The following BMPR1B variants were observed in gnomAD, a reference collection of about 807,000 sequenced individuals.
The protein encoded by BMPR1B is bone morphogenetic protein receptor type-1B.
BMPR1B carries 12 observed loss-of-function variants against 59.1 expected under a neutral mutation model. The ratio of observed to expected loss-of-function variants is 0.20; its 90% CI spans 0.13 to 0.33. The LOEUF is 0.33. Among genes scored for constraint, BMPR1B ranks in the 10% least tolerant of loss-of-function variants. BMPR1B has a pLI of 1.00. For missense variants in BMPR1B, 550 were observed against 610.9 expected, an observed-to-expected ratio of 0.90 and a Z score of 1.05; for synonymous variants, 237 against 207.3, an observed-to-expected ratio of 1.14 and a Z score of -1.23.
chr4:94,855,387 T>G (rs1015291978), intron 1 of BMPR1B, among the ~76,000 whole-genome samples: 1 of 152,218 alleles, frequency 6.6e-6, no homozygotes, highest in Admixed American at 6.5e-5. Flanking sequence ...AGCCTGGACT[T>G]AAACTCAGGT....
Position 95,134,482 on chromosome 4 carries a change from A to C in BMPR1B, c.1076+2970A>C, listed in dbSNP as rs1338667888. ...TGGTTGAACTAGTTTACAGCCCCACAAACAGTGTAAAAGTGTTCCTATTTC... is the reference window on the plus strand; with the variant it reads ...TGGTTGAACTAGTTTACAGCCCCACCAACAGTGTAAAAGTGTTCCTATTTC... On this transcript the variant is annotated intron_variant, in intron 10 of 12. Coordinates refer to ENST00000515059, the MANE Select transcript of BMPR1B (RefSeq NM_001203.3). 3.9e-5 allele frequency among the ~76,000 whole-genome samples: 6 copies of C among 152,274 alleles called. No individual in the cohort carries two copies. In the East Asian group the frequency reaches 7.7e-4, roughly 20 times the overall value.
chr4:94,916,140 T>A (rs1728474758), intron 2 of BMPR1B, among the ~76,000 whole-genome samples: 1 of 152,204 alleles, frequency 6.6e-6, no homozygotes, highest in African/African-American at 2.4e-5. Context: ...TCTTAAGTAT[T>A]TCTTTATTGC....
At chr4:94,807,311 C>T (rs1164631743) in intron 1 of BMPR1B, among the ~76,000 whole-genome samples, 2 of 152,070 alleles carry the variant, frequency 1.3e-5, no homozygotes, top group African/African-American at 4.8e-5. Context: ...GTCCAGGCTG[C>T]CAAACTCCTG....
chr4:95,141,568 C>G (rs944390316), intron 10 of BMPR1B, among the ~76,000 whole-genome samples: 7 of 152,184 alleles, frequency 4.6e-5, no homozygotes, highest in Non-Finnish European at 1.0e-4. Flanking sequence ...AGTGCCGATG[C>G]ATTTCCTGCT....
At position 94,897,478 on chromosome 4, in the gene BMPR1B, G is replaced by A. The variant is rs368512314; in HGVS notation, c.-113+21578G>A. On this transcript the variant is annotated intron_variant, in intron 2 of 12. Transcript: ENST00000515059. ...TGCCAATTACCCTTTTGTAGTCCTC[G>A]CTTACCACCGAGTATCTGGTGTAAC... is the stretch of plus-strand genomic sequence containing the variant. Among the ~76,000 whole-genome samples, 39 of 151,874 alleles carry A rather than the reference G, an allele frequency of 2.6e-4. No individual in the cohort carries two copies. In the South Asian group the frequency reaches 4.6e-3, roughly 18 times the overall value.
chr4:95,091,949 A>G (rs924098660), intron 3 of BMPR1B, among the ~76,000 whole-genome samples: 2 of 152,036 alleles, frequency 1.3e-5, no homozygotes, highest in Admixed American at 6.6e-5. Context: ...CACATTTTCA[A>G]CACTGTCAAG....
At chr4:94,883,392 A>G (rs1286645977) in intron 2 of BMPR1B, among the ~76,000 whole-genome samples, 2 of 152,138 alleles carry the variant, frequency 1.3e-5, no homozygotes, top group East Asian at 1.9e-4. Flanking sequence ...CTTATCTTAT[A>G]TTCTCTCTCT....
At chr4:95,137,497 T>A (rs1349707643) in intron 10 of BMPR1B, among the ~76,000 whole-genome samples, 2 of 152,190 alleles carry the variant, frequency 1.3e-5, no homozygotes, top group Non-Finnish European at 2.9e-5. Flanking sequence ...CTGTCTAATG[T>A]TGACAGTGGG....
At chr4:94,778,782 A>G (rs956075273) in intron 1 of BMPR1B, among the ~76,000 whole-genome samples, 11 of 152,164 alleles carry the variant, frequency 7.2e-5, no homozygotes, top group Non-Finnish European at 1.0e-4. Context: ...ATGATGAGCC[A>G]TATTTTCATG....
At chr4:94,857,172 A>T (rs1310360085) in intron 1 of BMPR1B, among the ~76,000 whole-genome samples, 1 of 152,210 alleles carries the variant, frequency 6.6e-6, no homozygotes, top group African/African-American at 2.4e-5. Context: ...GATAAATGCA[A>T]ATGTCTGATA....
At chr4:95,069,394 CA>C (rs1728102536) in intron 3 of BMPR1B, among the ~76,000 whole-genome samples, 1 of 152,226 alleles carries the variant, frequency 6.6e-6, no homozygotes, top group East Asian at 1.9e-4. Flanking sequence ...GACAAACTGG[CA>C]CCTGTTACTC....
At chr4:94,854,234 T>C (rs973400939) in intron 1 of BMPR1B, among the ~76,000 whole-genome samples, 6 of 152,052 alleles carry the variant, frequency 3.9e-5, no homozygotes, top group Non-Finnish European at 8.8e-5. Context: ...TACCCTAATA[T>C]AAAGGAGAGA....
intron 12 of BMPR1B, among the ~76,000 whole-genome samples, chr4:95,153,087 G>A (rs1735172680): frequency 6.6e-6 from 1 of 152,040 alleles, no homozygotes; most frequent in African/African-American, 2.4e-5. Context: ...CTCTGTGTGT[G>A]TTTTTAAAGC....
rs1733221542 is a variant in BMPR1B at position 95,130,169 on chromosome 4, T to C, written c.778+115T>C. ...ACCCGTTGCGAAATGTATTGAAGTT[T>C]TCTTCTTGGCATGGGCCCAAGAACA... On this transcript the variant is annotated intron_variant, in intron 9 of 12. Coordinates refer to ENST00000515059, the MANE Select transcript of BMPR1B (RefSeq NM_001203.3). 5.5e-6 allele frequency: 7 copies of C among 1,284,086 alleles called. No homozygotes were observed. In the South Asian group the frequency reaches 8.9e-5, roughly 16 times the overall value. 79.5% of individuals were successfully genotyped at this position (1,284,086 alleles called of 1,614,324 possible).
chr4:94,919,235 T>C (rs1728599971), intron 2 of BMPR1B, among the ~76,000 whole-genome samples: 2 of 152,192 alleles, frequency 1.3e-5, no homozygotes, highest in African/African-American at 4.8e-5. Context: ...TATATTTAAC[T>C]GTCACCAGCC....
In BMPR1B at chr4:95,155,129, C is replaced by T. The variant is rs1231969222; in HGVS notation, c.*456C>T. On this transcript the variant is annotated 3_prime_UTR_variant, in exon 13 of 13. Coordinates refer to ENST00000515059, the MANE Select transcript of BMPR1B (RefSeq NM_001203.3). The stretch of plus-strand genomic sequence containing the variant: ...TTTTTCCATTGGTAAAATATTGTTG[C>T]ACTCTGTGAACCAAAAGACAGTCTA... The T allele has an allele frequency of 5.5e-6, 1 of 181,750 alleles. No homozygotes were observed. Among genetic ancestry groups the T allele is most frequent in the African/African-American group, 2.4e-5 (1 of 41,790 alleles). The allele number at this position is 181,750 out of a possible 1,614,324, so 11.3% of individuals were successfully genotyped here.
At chr4:95,152,968 G>T (rs1471665963) in intron 12 of BMPR1B, among the ~76,000 whole-genome samples, 195 bp downstream of exon 12, 2 of 151,998 alleles carry the variant, frequency 1.3e-5, no homozygotes, top group African/African-American at 4.8e-5. Context: ...ATTTTATTTT[G>T]CCACTTCCAG....
At chr4:94,829,271 A>G (rs1355512307) in intron 1 of BMPR1B, among the ~76,000 whole-genome samples, 1 of 151,190 alleles carries the variant, frequency 6.6e-6, no homozygotes, top group African/African-American at 2.4e-5. Context: ...CCAATAGGGC[A>G]TAATTTCTTT....
intron 5 of BMPR1B, among the ~76,000 whole-genome samples, 170 bp downstream of exon 5, chr4:95,114,992 G>A (rs1731911561): frequency 6.6e-6 from 1 of 152,038 alleles, no homozygotes. Flanking sequence ...AGTGGATGGT[G>A]GTCCCATAAT....
Sources: allele counts gnomAD v4.1 joint callset (sites outside exome capture counted in the v4.1 genomes callset), GRCh38; gene constraint gnomAD v4.1.1; transcripts MANE v1.5; gene names NCBI Gene and HGNC (gene_info 2026-07-23, HGNC 2026-07-21).